The following RAB11A variants were observed in gnomAD, a reference collection of about 807,000 sequenced individuals.
RAB11A encodes the protein RAB11A, member RAS oncogene family, also known as ras-related protein Rab-11A.
In RAB11A, 9 loss-of-function variants were observed where a neutral mutation model predicts 28.0. The ratio of observed to expected loss-of-function variants is 0.32; its 90% CI spans 0.19 to 0.56. RAB11A has a LOEUF of 0.56. Ranked by LOEUF, RAB11A falls within the 20% of genes least tolerant of loss-of-function variation. The pLI, the probability that RAB11A is intolerant of heterozygous loss-of-function variation, is 0.91. For synonymous variants in RAB11A, 85 were observed against 88.2 expected (o/e 0.96, Z 0.20); for missense variants, 108 against 269.6 (o/e 0.40, Z 4.20).
Position 65,887,833 on chromosome 15 carries a change from A to T in RAB11A, c.644A>T (p.Asn215Ile), listed in dbSNP as rs749489126. The T allele has an allele frequency of 6.2e-7, 1 of 1,610,052 alleles. No individual in the cohort carries two copies. Among genetic ancestry groups the T allele is most frequent in the East Asian group, 2.2e-5 (1 of 44,546 alleles). The change falls in exon 5 of 5, where the codon AAC (asparagine) becomes ATC (isoleucine). Residue 215 changes from asparagine to isoleucine, a missense_variant. Coordinates refer to ENST00000261890, the MANE Select transcript of RAB11A (RefSeq NM_004663.5). Reference sequence around the variant, plus strand: ...AAGCCAAAGGTGCAGTGCTGTCAGAACATCTAAGGCATTTCTCTTCTCCCC... The same window carrying T: ...AAGCCAAAGGTGCAGTGCTGTCAGATCATCTAAGGCATTTCTCTTCTCCCC... ...ENKPKVQCCQ[N>I]I
In RAB11A at chr15:65,891,376, G is replaced by A. The variant is rs1432386643; in HGVS notation, c.*3536G>A. 6.6e-6 allele frequency: 1 copy of A among 152,220 alleles called. No individual in the cohort carries two copies. The highest frequency in any genetic ancestry group is 2.4e-5 in the African/African-American group (1 of 41,464). The allele number at this position is 152,220 out of a possible 1,614,324, so 9.4% of individuals were successfully genotyped here. On this transcript the variant is annotated 3_prime_UTR_variant, in exon 5 of 5. Coordinates refer to ENST00000261890, the MANE Select transcript of RAB11A (RefSeq NM_004663.5). ...ATAAAGAAAGAATATTTGAAAGGAT[G>A]TTGTGTACTAGGCAATATACTAGCA...
At chr15:65,885,141 T>A (rs1345757817) in intron 4 of RAB11A, among the ~76,000 whole-genome samples, 1 of 150,816 alleles carries the variant, frequency 6.6e-6, no homozygotes, top group Non-Finnish European at 1.5e-5. Flanking sequence ...CAGTTTTTTT[T>A]TTTTTTTTTT....
intron 1 of RAB11A, among the ~76,000 whole-genome samples, chr15:65,873,579 G>A (rs1331221683): frequency 6.6e-6 from 1 of 151,724 alleles, no homozygotes; most frequent in African/African-American, 2.4e-5. Flanking sequence ...TTTGAGGCAG[G>A]GTCTCCCTCT....
At position 65,890,923 on chromosome 15, in the gene RAB11A, AAAATT is replaced by A. The variant is rs1300632036; in HGVS notation, c.*3087_*3091del. ...CTCACAAATATCACATACCTGGAAA[AAAATT>A]AAAACAAAAAATGAATTTTGTAAAA... On this transcript the variant is annotated 3_prime_UTR_variant, in exon 5 of 5. Transcript: ENST00000261890. The A allele has an allele frequency of 2.6e-5, 4 of 152,254 alleles. No individual in the cohort carries two copies. The highest frequency in any genetic ancestry group is 9.6e-5 in the African/African-American group (4 of 41,476). 9.4% of individuals were successfully genotyped at this position (152,254 alleles called of 1,614,324 possible).
chr15:65,874,669 T>C (rs1003137018), intron 1 of RAB11A, among the ~76,000 whole-genome samples: 3 of 152,132 alleles, frequency 2.0e-5, no homozygotes, highest in Non-Finnish European at 2.9e-5. Flanking sequence ...TTTATGATGG[T>C]ATAAGGAGTT....
rs1326390866 is a variant in RAB11A, at chr15:65,889,934, C to T, written c.*2094C>T. 6.6e-6 allele frequency: 1 copy of T among 152,020 alleles called. No homozygotes were observed. Among genetic ancestry groups the T allele is most frequent in the African/African-American group, 2.4e-5 (1 of 41,372 alleles). The allele number at this position is 152,020 out of a possible 1,614,324, so 9.4% of individuals were successfully genotyped here. A position where few individuals can be genotyped will look rare whatever the true frequency, so the allele number is the denominator to read the frequency against. ...CAGGTGTCTTTATTCTGAGTAGTAT[C>T]TTAGGAGACAAACTGTCTCAAGCAA... On this transcript the variant is annotated 3_prime_UTR_variant, in exon 5 of 5. Transcript: ENST00000261890.
chr15:65,887,901 A>G lies in RAB11A; in HGVS notation c.*61A>G, dbSNP rs748972030. 82 of 1,395,174 alleles carry G rather than the reference A, an allele frequency of 5.9e-5. No homozygotes were observed. Among genetic ancestry groups the G allele is most frequent in the Non-Finnish European group, 7.7e-5 (81 of 1,058,028 alleles). The allele number at this position is 1,395,174 out of a possible 1,614,324, so 86.4% of individuals were successfully genotyped here. Reference sequence around the variant, plus strand: ...TCCATTTCCCAGGTCTGAGATTTAAATATATTTGTAATTCTTGTGTCACTT... The same window carrying G: ...TCCATTTCCCAGGTCTGAGATTTAAGTATATTTGTAATTCTTGTGTCACTT... On this transcript the variant is annotated 3_prime_UTR_variant, in exon 5 of 5. Transcript: ENST00000261890.
At chr15:65,883,377 T>G (rs557151341) in intron 4 of RAB11A, among the ~76,000 whole-genome samples, 29 of 152,330 alleles carry the variant, frequency 1.9e-4, no homozygotes, top group Non-Finnish European at 3.5e-4. Context: ...CATTTTGGGC[T>G]TTTCTGATTT....
chr15:65,886,819 A>T (rs1241928931), intron 4 of RAB11A, among the ~76,000 whole-genome samples: 1 of 152,192 alleles, frequency 6.6e-6, no homozygotes, highest in Non-Finnish European at 1.5e-5. Flanking sequence ...GCAGACACTA[A>T]ATTATTTTTG....
In RAB11A at chr15:65,887,985, G is replaced by C. The variant is rs1444688658; in HGVS notation, c.*145G>C. The C allele has an allele frequency of 7.8e-6, 7 of 903,202 alleles. No individual in the cohort carries two copies. The highest frequency in any genetic ancestry group is 1.1e-5 in the Non-Finnish European group (7 of 660,610). The allele number at this position is 903,202 out of a possible 1,614,324, so 55.9% of individuals were successfully genotyped here. ...CCATGTCCTAAGTCTTTTGATTTTAGCTTTATAAAATCATCCACTTGTCCC... is the reference window on the plus strand; with the variant it reads ...CCATGTCCTAAGTCTTTTGATTTTACCTTTATAAAATCATCCACTTGTCCC... On this transcript the variant is annotated 3_prime_UTR_variant, in exon 5 of 5. Coordinates refer to ENST00000261890, the MANE Select transcript of RAB11A (RefSeq NM_004663.5).
In RAB11A at chr15:65,869,580, C is replaced by A; in HGVS notation, c.-6C>A. On this transcript the variant is annotated 5_prime_UTR_variant, in exon 1 of 5. Transcript: ENST00000261890. ...TGCTCCCGCCCTTTCGCTCCTCGGCCGCGCAATGGGCACCCGCGACGACGA... is the reference window on the plus strand; with the variant it reads ...TGCTCCCGCCCTTTCGCTCCTCGGCAGCGCAATGGGCACCCGCGACGACGA... 3 of 1,610,934 alleles carry A rather than the reference C, an allele frequency of 1.9e-6. No homozygotes were observed. The highest frequency in any genetic ancestry group is 2.5e-6 in the Non-Finnish European group (3 of 1,179,862).
In RAB11A at chr15:65,877,551, C is replaced by G; in HGVS notation, c.236+24C>G. ...GCGTAAGTCTCATGGTTTTTAAGTTCTGTGAAATGGGTTGCCATCGAGTGA... is the reference window on the plus strand; with the variant it reads ...GCGTAAGTCTCATGGTTTTTAAGTTGTGTGAAATGGGTTGCCATCGAGTGA... On this transcript the variant is annotated intron_variant, in intron 2 of 4. Coordinates refer to ENST00000261890, the MANE Select transcript of RAB11A (RefSeq NM_004663.5). This position sits in a 1 kb window ranked among gnomAD's most constrained non-coding sequence, Gnocchi z 4.1. The G allele has an allele frequency of 1.3e-6, 2 of 1,592,390 alleles. No homozygotes were observed. The highest frequency in any genetic ancestry group is 1.1e-5 in the South Asian group (1 of 88,608).
chr15:65,886,000 G>T (rs570519255), intron 4 of RAB11A, among the ~76,000 whole-genome samples: 2 of 152,232 alleles, frequency 1.3e-5, no homozygotes, highest in East Asian at 1.9e-4. Context: ...CTGTTTAAGT[G>T]TGGTTACATT....
intron 1 of RAB11A, among the ~76,000 whole-genome samples, chr15:65,870,676 A>G (rs1271981781): frequency 6.6e-6 from 1 of 152,238 alleles, no homozygotes; most frequent in Non-Finnish European, 1.5e-5. Flanking sequence ...TCCAACAGGA[A>G]GGGAAGAGCC....
chr15:65,877,221 AT>A lies in RAB11A; in HGVS notation c.41-106del, dbSNP rs2078196246. 2.2e-6 allele frequency: 2 copies of A among 897,052 alleles called. No individual in the cohort carries two copies. Among genetic ancestry groups the A allele is most frequent in the South Asian group, 3.6e-5 (2 of 56,216 alleles). 55.6% of individuals were successfully genotyped at this position (897,052 alleles called of 1,614,324 possible). A position where few individuals can be genotyped will look rare whatever the true frequency, so the allele number is the denominator to read the frequency against. On this transcript the variant is annotated intron_variant, in intron 1 of 4. Coordinates refer to ENST00000261890, the MANE Select transcript of RAB11A (RefSeq NM_004663.5). This position sits in a 1 kb window ranked among gnomAD's most constrained non-coding sequence, Gnocchi z 4.1. Reference sequence around the variant, plus strand: ...TTCCTTTTTAAAAGTCATATACCTTATTTTTCTTGCTTTATTTACTCTGAAG... The same window carrying A: ...TTCCTTTTTAAAAGTCATATACCTTATTTTCTTGCTTTATTTACTCTGAAG...
chr15:65,877,401 A>G lies in RAB11A; in HGVS notation c.110A>G (p.Asn37Ser), dbSNP rs2141103438. ...TCTCGATTTACTCGAAATGAGTTTAATCTGGAAAGCAAGAGCACCATTGGA... is the reference window on the plus strand; with the variant it reads ...TCTCGATTTACTCGAAATGAGTTTAGTCTGGAAAGCAAGAGCACCATTGGA... ...LLSRFTRNEFNLESKSTIGVE... is the reference protein window; with the variant it reads ...LLSRFTRNEFSLESKSTIGVE... The change falls in exon 2 of 5, where the codon AAT becomes AGT. Residue 37 changes from asparagine (N) to serine (S), a missense_variant. Coordinates refer to ENST00000261890, the MANE Select transcript of RAB11A (RefSeq NM_004663.5). This position sits in a 1 kb window ranked among gnomAD's most constrained non-coding sequence, Gnocchi z 4.1. The G allele has an allele frequency of 1.2e-6, 2 of 1,614,040 alleles. No individual in the cohort carries two copies. Among genetic ancestry groups the G allele is most frequent in the Non-Finnish European group, 1.7e-6 (2 of 1,179,928 alleles).
Position 65,869,549 on chromosome 15 carries a change from C to G in RAB11A, c.-37C>G. Reference sequence around the variant, plus strand: ...CGACGCCCCCTGGTCCCACAGATACCACTGCTGCTCCCGCCCTTTCGCTCC... The same window carrying G: ...CGACGCCCCCTGGTCCCACAGATACGACTGCTGCTCCCGCCCTTTCGCTCC... On this transcript the variant is annotated 5_prime_UTR_variant, in exon 1 of 5. Coordinates refer to ENST00000261890, the MANE Select transcript of RAB11A (RefSeq NM_004663.5). 6.2e-7 allele frequency: 1 copy of G among 1,606,230 alleles called. No individual in the cohort carries two copies. The highest frequency in any genetic ancestry group is 1.1e-5 in the South Asian group (1 of 90,764).
intron 4 of RAB11A, among the ~76,000 whole-genome samples, chr15:65,884,991 TCA>T (rs1040128167): frequency 9.4e-5 from 14 of 148,588 alleles, no homozygotes; most frequent in Admixed American, 6.0e-4. Context: ...AGACAGGGTC[TCA>T]CACTGTCCCC....
intron 4 of RAB11A, among the ~76,000 whole-genome samples, chr15:65,885,053 ACT>A (rs1481426553): frequency 6.1e-5 from 9 of 147,108 alleles, no homozygotes; most frequent in Middle Eastern, 7.0e-3. Context: ...ACTGAGTGAG[ACT>A]CTGTCTCAAA....
Sources: allele counts gnomAD v4.1 joint callset (sites outside exome capture counted in the v4.1 genomes callset), GRCh38; gene constraint gnomAD v4.1.1; non-coding constraint Gnocchi (gnomAD v3.1); transcripts MANE v1.5; gene names NCBI Gene and HGNC (gene_info 2026-07-23, HGNC 2026-07-21).